The following TULP2 variants were observed in gnomAD, a reference collection of about 807,000 sequenced individuals.
The protein encoded by TULP2 is TUB like protein 2.
In TULP2, 64 loss-of-function variants were observed where a neutral mutation model predicts 60.3. The observed-to-expected ratio is 1.06, with a 90% CI of 0.87 to 1.31. The LOEUF (loss-of-function observed/expected upper bound fraction) is 1.31. Ranked by LOEUF, TULP2 falls within the 50% of genes most tolerant of loss-of-function variation. The probability of loss-of-function intolerance (pLI) is 0.00; values close to 1 mark genes in which losing one functional copy is unlikely to be tolerated. For missense variants in TULP2, 652 were observed against 667.0 expected, an observed-to-expected ratio of 0.98 and a Z score of 0.25; for synonymous variants, 267 against 265.4, an observed-to-expected ratio of 1.01 and a Z score of -0.06.
Position 48,880,981 on chromosome 19 carries a change from T to C in TULP2, c.*30A>G. 1 of 1,570,532 alleles carries C rather than the reference T, an allele frequency of 6.4e-7. No homozygotes were observed. Among genetic ancestry groups the C allele is most frequent in the Non-Finnish European group, 8.8e-7 (1 of 1,141,036 alleles). On this transcript the variant is annotated 3_prime_UTR_variant, in exon 13 of 13. Transcript: ENST00000221399. ...GGCACAGAAGCTGGCAAGGGTATGG[T>C]ATTTTATTGAGTTATTCAACAGCCA...
At chr19:48,882,898 C>T (rs2037147099) in intron 11 of TULP2, among the ~76,000 whole-genome samples, 1 of 152,042 alleles carries the variant, frequency 6.6e-6, no homozygotes, top group African/African-American at 2.4e-5. Context: ...AGAATGTTAG[C>T]ACAGGTCTTT....
rs139577147 is a variant in TULP2, at chr19:48,889,625, C to T, written c.521G>A (p.Arg174His). 7.2e-3 allele frequency: 11,306 copies of T among 1,579,312 alleles called. 59 individuals are homozygous for T. Among genetic ancestry groups the T allele is most frequent in the Non-Finnish European group, 7.7e-3 (8,881 of 1,153,856 alleles). The change falls in exon 7 of 13, where the codon CGT becomes CAT. Residue 174 changes from arginine (R) to histidine (H), a missense_variant. Transcript: ENST00000221399. ...GWQAHQRPGT[R>H]AEGESDSQDM... ...CTGGGAGTCACTCTCACCCTCTGCA[C>T]GGGTCCCTAATGTGGGGAAAAGCAA... is the stretch of plus-strand genomic sequence containing the variant.
At chr19:48,898,474 C>T (rs186989462) in intron 1 of TULP2, 116 bp downstream of exon 1, 2 of 152,008 alleles carry the variant, frequency 1.3e-5, no homozygotes, top group Admixed American at 1.3e-4. Context: ...CGGCCTAGAA[C>T]TCCACTGCCC....
Position 48,897,855 on chromosome 19 carries a change from T to G in TULP2, c.14A>C (p.Asn5Thr). The stretch of plus-strand genomic sequence containing the variant: ...TACTCACTCTCTCATCAATGTGTCA[T>G]TATCCTGAGACATTCTGCAGAAGCA... MSQD[N>T]DTLMRDILGH... is the part of the protein sequence containing the mutation. The change falls in exon 2 of 13, where the codon AAT (asparagine) becomes ACT (threonine). Residue 5 changes from asparagine (N) to threonine (T), a missense_variant. Transcript: ENST00000221399. This position sits in a 1 kb window ranked among gnomAD's most constrained non-coding sequence, Gnocchi z 4.0. 6.2e-7 allele frequency: 1 copy of G among 1,613,524 alleles called. No homozygotes were observed. Among genetic ancestry groups the G allele is most frequent in the Non-Finnish European group, 8.5e-7 (1 of 1,179,752 alleles).
At chr19:48,881,219 T>C in intron 12 of TULP2, 93 bp from the exon 13 acceptor site, 2 of 685,236 alleles carry the variant, frequency 2.9e-6, no homozygotes, top group South Asian at 2.4e-5. Flanking sequence ...TTCTTTTTTT[T>C]TTTTTTTTGA....
At chr19:48,887,012 CTT>C (rs535945118) in intron 8 of TULP2, among the ~76,000 whole-genome samples, 135 of 132,496 alleles carry the variant, frequency 1.0e-3, no homozygotes, top group African/African-American at 2.4e-3. Context: ...CGTGCCCGGC[CTT>C]TTTTTTTTTT....
chr19:48,897,208 AT>A lies in TULP2; in HGVS notation c.84+136del. On this transcript the variant is annotated intron_variant, in intron 3 of 12. Coordinates refer to ENST00000221399, the MANE Select transcript of TULP2 (RefSeq NM_003323.3). The surrounding 1 kb of genome is among the most constrained non-coding windows in gnomAD (Gnocchi z 4.0). ...CCCGGCCCCAAATTCCTATTTTCTC[AT>A]TTCTCAGTGGGAAAACTCAAGGATG... 2 of 989,366 alleles carry A rather than the reference AT, an allele frequency of 2.0e-6. No individual in the cohort carries two copies. Among genetic ancestry groups the A allele is most frequent in the Non-Finnish European group, 3.1e-6 (2 of 646,726 alleles). 61.3% of individuals were successfully genotyped at this position (989,366 alleles called of 1,614,324 possible).
chr19:48,882,054 G>A lies in TULP2; in HGVS notation c.1425C>T (p.Phe475=), dbSNP rs1473376471. The change falls in exon 12 of 13, where the codon TTC becomes TTT. Residue 475 remains phenylalanine, a synonymous_variant. Coordinates refer to ENST00000221399, the MANE Select transcript of TULP2 (RefSeq NM_003323.3). ...CACGGTGTTTGGGATCCACGATTTGGAAGTTCTTCACCGAAGCCCGAGTGA... is the reference window on the plus strand; with the variant it reads ...CACGGTGTTTGGGATCCACGATTTGAAAGTTCTTCACCGAAGCCCGAGTGA... The part of the protein sequence containing the change: ...GRVTRASVKN[F]QIVDPKHQEH... 2 of 1,614,216 alleles carry A rather than the reference G, an allele frequency of 1.2e-6. No individual in the cohort carries two copies. Among genetic ancestry groups the A allele is most frequent in the Non-Finnish European group, 1.7e-6 (2 of 1,180,034 alleles).
intron 7 of TULP2, among the ~76,000 whole-genome samples, chr19:48,889,026 C>T (rs1254532752): frequency 6.7e-6 from 1 of 150,088 alleles, no homozygotes; most frequent in East Asian, 2.0e-4. Context: ...ACTCTGTCTC[C>T]CGGGCTGGAG....
intron 7 of TULP2, among the ~76,000 whole-genome samples, chr19:48,888,687 T>C (rs1472134730): frequency 6.6e-6 from 1 of 152,154 alleles, no homozygotes; most frequent in Non-Finnish European, 1.5e-5. Context: ...AGTGACTCGA[T>C]CTCGGTTCAC....
At chr19:48,892,055 G>A (rs1422418037) in intron 6 of TULP2, among the ~76,000 whole-genome samples, 3 of 152,198 alleles carry the variant, frequency 2.0e-5, no homozygotes, top group African/African-American at 4.8e-5. Context: ...ATGTATGGTC[G>A]GTTTTACACT....
chr19:48,884,125 T>G, intron 9 of TULP2, 79 bp from the exon 10 acceptor site: 1 of 1,136,356 alleles, frequency 8.8e-7, no homozygotes. Context: ...GCATCGACTC[T>G]TCCCATCAAT....
chr19:48,881,297 C>T (rs1319846804), intron 12 of TULP2, among the ~76,000 whole-genome samples, 171 bp from the exon 13 acceptor site: 1 of 150,116 alleles, frequency 6.7e-6, no homozygotes. Context: ...GCAACCTCCA[C>T]CTCCCAGGTT....
chr19:48,882,574 T>C (rs2037144416), intron 11 of TULP2, among the ~76,000 whole-genome samples: 1 of 152,194 alleles, frequency 6.6e-6, no homozygotes, highest in Non-Finnish European at 1.5e-5. Flanking sequence ...ATTTATAACC[T>C]GGCGCATCCA....
chr19:48,889,307 C>G (rs566201958), intron 7 of TULP2, among the ~76,000 whole-genome samples: 1 of 152,142 alleles, frequency 6.6e-6, no homozygotes, highest in African/African-American at 2.4e-5. Context: ...CATGTCAAGT[C>G]AAATCCTCTG....
In TULP2 at chr19:48,883,949, G is replaced by C. The variant is rs763393822; in HGVS notation, c.1159C>G (p.Leu387Val). The C allele has an allele frequency of 1.9e-6, 3 of 1,613,926 alleles. No individual in the cohort carries two copies. Among genetic ancestry groups the C allele is most frequent in the Non-Finnish European group, 2.5e-6 (3 of 1,179,998 alleles). Reference sequence around the variant, plus strand: ...ACACTCACATAACACACAGCCCCCAGCTCCTGTCTGATCCGGGCAGTATTC... The same window carrying C: ...ACACTCACATAACACACAGCCCCCACCTCCTGTCTGATCCGGGCAGTATTC... ...TRNTARIRQE[L>V]GAVCYEPNVL... is the part of the protein sequence containing the mutation. Residue 387 changes from leucine (L) to valine (V), a missense_variant, in exon 10 of 13, where the codon CTG becomes GTG. Transcript: ENST00000221399.
Position 48,897,429 on chromosome 19 carries a change from A to G in TULP2, c.33-33T>C. On this transcript the variant is annotated intron_variant, in intron 2 of 12. Transcript: ENST00000221399. The surrounding 1 kb of genome is among the most constrained non-coding windows in gnomAD (Gnocchi z 4.0). ...AGACACAGGCCCATGGTGACAGTGC[A>G]CAGGGAACCTCGGTTGCCCAAGAGA... 1 of 1,611,502 alleles carries G rather than the reference A, an allele frequency of 6.2e-7. No homozygotes were observed.
rs755893585 is a variant in TULP2, at chr19:48,883,964, G to A, written c.1144C>T (p.Arg382Trp). 2.5e-5 allele frequency: 40 copies of A among 1,613,926 alleles called. No homozygotes were observed. Among genetic ancestry groups the A allele is most frequent in the South Asian group, 1.2e-4 (11 of 91,084 alleles). The change falls in exon 10 of 13, where the codon CGG becomes TGG. Residue 382 changes from arginine (R) to tryptophan (W), a missense_variant. Transcript: ENST00000221399. ...DREHLTRNTARIRQELGAVCY... is the reference protein window; with the variant it reads ...DREHLTRNTAWIRQELGAVCY... ...ACAGCCCCCAGCTCCTGTCTGATCC[G>A]GGCAGTATTCCTGGTTAAATGCTCC...
In TULP2 at chr19:48,897,514, A is replaced by T; in HGVS notation, c.33-118T>A. 1 of 1,073,652 alleles carries T rather than the reference A, an allele frequency of 9.3e-7. No homozygotes were observed. The highest frequency in any genetic ancestry group is 1.4e-6 in the Non-Finnish European group (1 of 717,344). 66.5% of individuals were successfully genotyped at this position (1,073,652 alleles called of 1,614,324 possible). A position where few individuals can be genotyped will look rare whatever the true frequency, so the allele number is the denominator to read the frequency against. On this transcript the variant is annotated intron_variant, in intron 2 of 12. Transcript: ENST00000221399. The surrounding 1 kb of genome is among the most constrained non-coding windows in gnomAD (Gnocchi z 4.0). ...TTGGGTTCTGGGCACCTGTGAGGTC[A>T]CAGGAGGTGCAGAACCTGAGCCTGC...
Sources: allele counts gnomAD v4.1 joint callset (sites outside exome capture counted in the v4.1 genomes callset), GRCh38; gene constraint gnomAD v4.1.1; non-coding constraint Gnocchi (gnomAD v3.1); transcripts MANE v1.5; gene names NCBI Gene and HGNC (gene_info 2026-07-23, HGNC 2026-07-21).